CCDC83: variants seen among roughly 807,000 people sequenced by gnomAD.
The protein encoded by CCDC83 is coiled-coil domain containing 83, also known as coiled-coil domain-containing protein 83.
In CCDC83, 54 loss-of-function variants were observed where a neutral mutation model predicts 50.1. The ratio of observed to expected loss-of-function variants is 1.08; its 90% CI spans 0.87 to 1.35. The LOEUF (loss-of-function observed/expected upper bound fraction) is 1.35, where lower values mean the gene tolerates loss of function less well. Among genes scored for constraint, CCDC83 ranks in the 40% most tolerant of loss-of-function variants. The pLI, the probability that CCDC83 is intolerant of heterozygous loss-of-function variation, is 0.00. For missense variants in CCDC83, 518 were observed against 473.9 expected, an observed-to-expected ratio of 1.09 and a Z score of -0.86; for synonymous variants, 161 against 153.3, an observed-to-expected ratio of 1.05 and a Z score of -0.37.
At chr11:85,860,216 C>T (rs1210916037) in intron 1 of CCDC83, among the ~76,000 whole-genome samples, 1 of 149,704 alleles carries the variant, frequency 6.7e-6, no homozygotes, top group African/African-American at 2.5e-5. Context: ...GCAGGAGAAT[C>T]ACTTGAACCC....
At chr11:85,902,888 C>T (rs542616171) in intron 7 of CCDC83, among the ~76,000 whole-genome samples, 10 of 151,992 alleles carry the variant, frequency 6.6e-5, no homozygotes, top group Non-Finnish European at 1.2e-4. Flanking sequence ...CTGTATATGC[C>T]GGTTTTGCAT....
At chr11:85,896,548 A>G (rs560890792) in intron 6 of CCDC83, among the ~76,000 whole-genome samples, 1 of 152,104 alleles carries the variant, frequency 6.6e-6, no homozygotes, top group African/African-American at 2.4e-5. Context: ...TCAACCTGTG[A>G]TAATGGTTGT....
intron 7 of CCDC83, among the ~76,000 whole-genome samples, chr11:85,908,552 T>TAGATAGATAGATAGAC (rs1163368063): frequency 5.4e-4 from 17 of 31,526 alleles, no homozygotes; most frequent in African/African-American, 2.0e-3. Flanking sequence ...ACTAGATGAT[T>TAGATAGATAGATAGAC]AGATAGATAG....
At chr11:85,912,653 C>A in intron 8 of CCDC83, 1 of 1,592,686 alleles carries the variant, frequency 6.3e-7, no homozygotes, top group Non-Finnish European at 8.6e-7. Context: ...GATCAGGTAT[C>A]CAGTGCTACA....
intron 10 of CCDC83, among the ~76,000 whole-genome samples, chr11:85,917,190 A>G (rs199812246): frequency 0.016 from 1,464 of 89,324 alleles, 12 homozygotes; most frequent in East Asian, 0.053. Flanking sequence ...GAAAGAAAGA[A>G]AGAGAAAGAA....
At chr11:85,876,808 T>C (rs1197448531) in intron 3 of CCDC83, among the ~76,000 whole-genome samples, 6 of 152,182 alleles carry the variant, frequency 3.9e-5, no homozygotes, top group African/African-American at 1.4e-4. Flanking sequence ...CCCAGCCTCT[T>C]TTCTTGTTCT....
chr11:85,915,902 A>G, intron 9 of CCDC83, 126 bp from the exon 10 acceptor site: 1 of 681,732 alleles, frequency 1.5e-6, no homozygotes, highest in East Asian at 2.7e-5. Flanking sequence ...TTACTTTAAT[A>G]CATAAATTCT....
chr11:85,873,326 T>A (rs753282698), intron 3 of CCDC83, 31 bp downstream of exon 3: 5 of 872,034 alleles, frequency 5.7e-6, no homozygotes, highest in Non-Finnish European at 8.8e-6. Flanking sequence ...CTATATATAG[T>A]CATTAAATAT....
intron 4 of CCDC83, 75 bp downstream of exon 4, chr11:85,882,750 C>T (rs2093307642): frequency 7.5e-7 from 1 of 1,338,452 alleles, no homozygotes; most frequent in Non-Finnish European, 1.0e-6. Context: ...CTTTATTCTT[C>T]CAATATGTTC....
chr11:85,873,316 CTA>C (rs768772015), intron 3 of CCDC83, 21 bp downstream of exon 3: 1 of 1,006,262 alleles, frequency 9.9e-7, no homozygotes, highest in East Asian at 2.6e-5. Context: ...AATTTAGAAC[CTA>C]TATATAGTCA....
chr11:85,898,055 G>A (rs553047647), intron 6 of CCDC83, among the ~76,000 whole-genome samples: 3 of 151,968 alleles, frequency 2.0e-5, no homozygotes, highest in African/African-American at 4.8e-5. Context: ...CTACTCAGGA[G>A]GCTGAGACAG....
intron 2 of CCDC83, 141 bp from the exon 3 acceptor site, chr11:85,873,070 C>A: frequency 2.4e-6 from 1 of 413,910 alleles, no homozygotes; most frequent in Non-Finnish European, 4.4e-6. Context: ...GATTCAGAAA[C>A]ACAAAACCGT....
rs185085328 is a variant in CCDC83 at position 85,904,933 on chromosome 11, G to A, written c.672+5918G>A. On this transcript the variant is annotated intron_variant, in intron 7 of 10. Transcript: ENST00000342404. Reference sequence around the variant, plus strand: ...TTTAAATTGTCATTATTAAGTCATGGTGAATAGGAGTTCATACTATCTCCC... The same window carrying A: ...TTTAAATTGTCATTATTAAGTCATGATGAATAGGAGTTCATACTATCTCCC... 4.3e-3 allele frequency among the ~76,000 whole-genome samples: 662 copies of A among 152,280 alleles called. 2 individuals are homozygous for A. Among genetic ancestry groups the A allele is most frequent in the Non-Finnish European group, 7.4e-3 (502 of 68,016 alleles).
chr11:85,895,610 T>C (rs2093370785), intron 6 of CCDC83, among the ~76,000 whole-genome samples: 1 of 152,224 alleles, frequency 6.6e-6, no homozygotes, highest in African/African-American at 2.4e-5. Flanking sequence ...AGAACGTGGA[T>C]TCTGAAGTTA....
At chr11:85,912,466 C>T (rs1432453631) in intron 8 of CCDC83, among the ~76,000 whole-genome samples, 1 of 152,128 alleles carries the variant, frequency 6.6e-6, no homozygotes, top group Non-Finnish European at 1.5e-5. Flanking sequence ...TGCATTATTA[C>T]TTTGTGTGCT....
chr11:85,882,411 C>T (rs1054259897), intron 3 of CCDC83, 102 bp from the exon 4 acceptor site: 1 of 1,130,210 alleles, frequency 8.8e-7, no homozygotes, highest in Non-Finnish European at 1.3e-6. Flanking sequence ...TCCCACTTGC[C>T]TTCCTGTGAT....
At chr11:85,892,829 G>A (rs966863116) in intron 5 of CCDC83, among the ~76,000 whole-genome samples, 1 of 152,166 alleles carries the variant, frequency 6.6e-6, no homozygotes, top group Non-Finnish European at 1.5e-5. Context: ...CATGAGATTA[G>A]TTCAAATAAG....
chr11:85,888,314 A>AG (rs2093336456), intron 5 of CCDC83, among the ~76,000 whole-genome samples: 1 of 152,142 alleles, frequency 6.6e-6, no homozygotes, highest in African/African-American at 2.4e-5. Flanking sequence ...GTGGTATCCA[A>AG]ATTTTTGTTC....
chr11:85,886,532 G>A (rs923134971), intron 5 of CCDC83, among the ~76,000 whole-genome samples, 165 bp downstream of exon 5: 1 of 152,168 alleles, frequency 6.6e-6, no homozygotes, highest in Non-Finnish European at 1.5e-5. Context: ...GCAGAAAAAT[G>A]ATCCCAGGAC....
Sources: gnomAD v4.1 joint callset for allele counts (sites outside exome capture counted in the v4.1 genomes callset) on GRCh38, gnomAD v4.1.1 for gene constraint, MANE v1.5 for transcripts, NCBI Gene and HGNC (gene_info 2026-07-23, HGNC 2026-07-21) for gene names.